The following KLK3 variants were observed in gnomAD, a reference collection of about 807,000 sequenced individuals.
KLK3 encodes the protein prostate-specific antigen.
In KLK3, 23 loss-of-function variants were observed where a neutral mutation model predicts 27.7. The observed-to-expected ratio is 0.83, with a 90% CI of 0.60 to 1.17. The LOEUF (loss-of-function observed/expected upper bound fraction) is 1.17, where lower values mean the gene tolerates loss of function less well. Ranked by LOEUF, KLK3 falls within the 50% of genes most tolerant of loss-of-function variation. The pLI, the probability that KLK3 is intolerant of heterozygous loss-of-function variation, is 0.00. For synonymous variants in KLK3, 142 were observed against 134.2 expected (o/e 1.06, Z -0.40); for missense variants, 322 against 338.1 (o/e 0.95, Z 0.37).
At chr19:50,857,811 C>T in intron 2 of KLK3, 4 of 549,230 alleles carry the variant, frequency 7.3e-6, no homozygotes, top group Non-Finnish European at 6.4e-6. Context: ...CTTCCTTTTT[C>T]CCTTGGTTTC....
intron 1 of KLK3, 187 bp from the exon 2 acceptor site, chr19:50,856,053 C>T (rs538654769): frequency 8.5e-6 from 5 of 587,396 alleles, no homozygotes; most frequent in South Asian, 8.2e-5. Context: ...CACCAACCTG[C>T]AAACCTAGGG....
chr19:50,859,195 C>T (rs1431811516), intron 4 of KLK3, among the ~76,000 whole-genome samples: 2 of 151,948 alleles, frequency 1.3e-5, no homozygotes, highest in African/African-American at 2.4e-5. Flanking sequence ...AGTGAAGGAT[C>T]GGGGCAGGGT....
At chr19:50,857,524 T>A (rs1004865980) in intron 2 of KLK3, 5 of 155,218 alleles carry the variant, frequency 3.2e-5, no homozygotes, top group Admixed American at 3.2e-4. Flanking sequence ...CGGTCCCCAC[T>A]CAGCTCCAAA....
chr19:50,855,125 T>C, intron 1 of KLK3, 124 bp downstream of exon 1: 2 of 953,124 alleles, frequency 2.1e-6, no homozygotes, highest in Non-Finnish European at 1.6e-6. Context: ...TTTCTGTCTC[T>C]CCCAGCCCCA....
chr19:50,860,055 A>G lies in KLK3; in HGVS notation c.714A>G (p.Glu238=). ...SWGSEPCALP[E]RPSLYTKVVH... The stretch of plus-strand genomic sequence containing the variant: ...GCAGTGAACCATGTGCCCTGCCCGA[A>G]AGGCCTTCCCTGTACACCAAGGTGG... The change falls in exon 5 of 5, where the codon GAA becomes GAG. Residue 238 remains glutamate (E), a synonymous_variant. Coordinates refer to ENST00000326003, the MANE Select transcript of KLK3 (RefSeq NM_001648.2). 5.6e-6 allele frequency: 9 copies of G among 1,614,114 alleles called. No homozygotes were observed. Among genetic ancestry groups the G allele is most frequent in the Non-Finnish European group, 7.6e-6 (9 of 1,179,968 alleles).
At position 50,858,211 on chromosome 19, in the gene KLK3, C is replaced by T; in HGVS notation, c.389C>T (p.Ala130Val). 1 of 1,614,192 alleles carries T rather than the reference C, an allele frequency of 6.2e-7. No individual in the cohort carries two copies. The highest frequency in any genetic ancestry group is 1.7e-5 in the Admixed American group (1 of 60,030). ...DLMLLRLSEP[A>V]ELTDAVKVMD... ...ATGCTGCTCCGCCTGTCAGAGCCTGCCGAGCTCACGGATGCTGTGAAGGTC... is the reference window on the plus strand; with the variant it reads ...ATGCTGCTCCGCCTGTCAGAGCCTGTCGAGCTCACGGATGCTGTGAAGGTC... Residue 130 changes from alanine (A) to valine (V), a missense_variant, in exon 3 of 5, where the codon GCC (alanine) becomes GTC (valine). Physicochemically the swap from Ala to Val is moderately conservative, Grantham distance 64. Transcript: ENST00000326003.
chr19:50,856,647 C>T (rs745556901), intron 2 of KLK3: 109 of 480,678 alleles, frequency 2.3e-4, no homozygotes, highest in Middle Eastern at 5.3e-4. Context: ...TAACTGGCTT[C>T]GGTTGTGTCT....
chr19:50,856,985 A>C (rs1260222129), intron 2 of KLK3, among the ~76,000 whole-genome samples: 1 of 151,898 alleles, frequency 6.6e-6, no homozygotes, highest in Non-Finnish European at 1.5e-5. Flanking sequence ...CAACTGGTGA[A>C]ACCCCATCTC....
chr19:50,859,591 T>C (rs1371286929), intron 4 of KLK3: 2 of 1,613,588 alleles, frequency 1.2e-6, no homozygotes, highest in Non-Finnish European at 1.7e-6. Flanking sequence ...CATGGCTCCC[T>C]AGTGCCCTGG....
intron 1 of KLK3, 151 bp downstream of exon 1, chr19:50,855,152 C>G (rs1385013570): frequency 4.3e-6 from 3 of 696,012 alleles, no homozygotes; most frequent in Non-Finnish European, 7.4e-6. Context: ...GCCCATACCC[C>G]CAGCCCCTCC....
chr19:50,856,959 TCGAGA>T, intron 2 of KLK3, among the ~76,000 whole-genome samples: 1 of 151,866 alleles, frequency 6.6e-6, no homozygotes, highest in South Asian at 2.1e-4. Context: ...GGTCAGGAGT[TCGAGA>T]CCAGCCTGGC....
intron 1 of KLK3, 69 bp downstream of exon 1, chr19:50,855,070 T>TC (rs770560353): frequency 5.8e-6 from 9 of 1,546,154 alleles, no homozygotes; most frequent in East Asian, 4.5e-5. Flanking sequence ...TGAGGCTCTT[T>TC]CCCCCCCAAC....
In KLK3 at chr19:50,860,673, A is replaced by G. The variant is rs2090180050; in HGVS notation, c.*546A>G. 6.6e-6 allele frequency: 1 copy of G among 152,244 alleles called. No individual in the cohort carries two copies. The highest frequency in any genetic ancestry group is 1.5e-5 in the Non-Finnish European group (1 of 68,124). The allele number at this position is 152,244 out of a possible 1,614,324, so 9.4% of individuals were successfully genotyped here. A position where few individuals can be genotyped will look rare whatever the true frequency, so the allele number is the denominator to read the frequency against. On this transcript the variant is annotated 3_prime_UTR_variant, in exon 5 of 5. Transcript: ENST00000326003. ...TGGACCCCCTGGAAGCTGATTCACT[A>G]TGGGGGGAGGTGTATTGAAGTCCTC... is the stretch of plus-strand genomic sequence containing the variant.
rs115684571 is a variant in KLK3 at position 50,858,644 on chromosome 19, C to T, written c.630+49C>T. 1.0e-3 allele frequency: 1,632 copies of T among 1,607,766 alleles called. 14 individuals are homozygous for T. The African/African-American group carries it at 0.019, about 19-fold the overall frequency. Reference sequence around the variant, plus strand: ...TCTTGAGGGGAAAGGTGAGTGGGGACCTTAATTCTGGGCTGGGGTCTAGAA... The same window carrying T: ...TCTTGAGGGGAAAGGTGAGTGGGGATCTTAATTCTGGGCTGGGGTCTAGAA... On this transcript the variant is annotated intron_variant, in intron 4 of 4. Coordinates refer to ENST00000326003, the MANE Select transcript of KLK3 (RefSeq NM_001648.2).
intron 2 of KLK3, 188 bp from the exon 3 acceptor site, chr19:50,857,841 C>A: frequency 3.6e-6 from 2 of 560,762 alleles, no homozygotes; most frequent in Non-Finnish European, 3.1e-6. Context: ...CTGTATCTGC[C>A]CTTCACCCTC....
intron 3 of KLK3, 38 bp downstream of exon 3, chr19:50,858,353 T>C (rs1445281643): frequency 1.9e-6 from 3 of 1,604,010 alleles, no homozygotes; most frequent in Non-Finnish European, 8.5e-7. Flanking sequence ...GGAGCCCAGA[T>C]GCCTGGGTCT....
At chr19:50,857,746 CTTGT>C (rs2090158415) in intron 2 of KLK3, 1 of 347,086 alleles carries the variant, frequency 2.9e-6, no homozygotes, top group African/African-American at 2.1e-5. Context: ...TTCGGCTCAC[CTTGT>C]TTGTCACTGT....
At position 50,860,177 on chromosome 19, in the gene KLK3, C is replaced by G. The variant is rs112479005; in HGVS notation, c.*50C>G. 30 of 1,457,848 alleles carry G rather than the reference C, an allele frequency of 2.1e-5. 1 individual carries two copies. The highest frequency in any genetic ancestry group is 1.9e-4 in the African/African-American group (14 of 72,002). The allele number at this position is 1,457,848 out of a possible 1,614,324, so 90.3% of individuals were successfully genotyped here. ...AGTAAACTTGGAACCTTGGAAATGA[C>G]CAGGCCAAGACTCAAGCCTCCCCAG... On this transcript the variant is annotated 3_prime_UTR_variant, in exon 5 of 5. Coordinates refer to ENST00000326003, the MANE Select transcript of KLK3 (RefSeq NM_001648.2).
intron 4 of KLK3, among the ~76,000 whole-genome samples, chr19:50,859,153 C>T (rs2090168378): frequency 2.0e-5 from 3 of 151,916 alleles, no homozygotes; most frequent in South Asian, 2.1e-4. Context: ...GCCTAGAGGG[C>T]GTCAGGAGCA....
Sources: allele counts gnomAD v4.1 joint callset (sites outside exome capture counted in the v4.1 genomes callset), GRCh38; gene constraint gnomAD v4.1.1; transcripts MANE v1.5; gene names NCBI Gene and HGNC (gene_info 2026-07-23, HGNC 2026-07-21).